The following KANSL1 variants were observed in gnomAD, a reference collection of about 807,000 sequenced individuals.
KANSL1 encodes the protein MLL1/MLL complex subunit KANSL1.
Under a neutral mutation model 103.6 loss-of-function variants are expected in KANSL1, and 22 were observed. That is an observed-to-expected ratio of 0.21 (90% confidence interval 0.15 to 0.30). KANSL1 has a LOEUF of 0.30. Among genes scored for constraint, KANSL1 ranks in the 10% least tolerant of loss-of-function variants. The probability of loss-of-function intolerance (pLI) is 1.00; values close to 1 mark genes in which losing one functional copy is unlikely to be tolerated. For missense variants in KANSL1, 1,337 were observed against 1,399.8 expected, an observed-to-expected ratio of 0.96 and a Z score of 0.72; for synonymous variants, 600 against 527.6, an observed-to-expected ratio of 1.14 and a Z score of -1.88.
chr17:46,115,611 A>C (rs1282781151), intron 2 of KANSL1, among the ~76,000 whole-genome samples: 2 of 152,246 alleles, frequency 1.3e-5, no homozygotes, highest in Non-Finnish European at 2.9e-5. Flanking sequence ...GTGATTTCAA[A>C]CTAAATTAAA....
intron 4 of KANSL1, 136 bp downstream of exon 4, chr17:46,082,305 C>T: frequency 3.5e-6 from 2 of 572,610 alleles, no homozygotes; most frequent in Non-Finnish European, 6.2e-6. Context: ...GATCTTAAAA[C>T]ACCAAAAGTG....
chr17:46,081,357 C>A (rs1432360903), intron 4 of KANSL1, among the ~76,000 whole-genome samples: 1 of 152,078 alleles, frequency 6.6e-6, no homozygotes. Flanking sequence ...CTGATTAGAC[C>A]ATTCACTAAA....
At chr17:46,112,501 A>G (rs1188877402) in intron 2 of KANSL1, among the ~76,000 whole-genome samples, 1 of 151,534 alleles carries the variant, frequency 6.6e-6, no homozygotes, top group Admixed American at 6.6e-5. Context: ...CGTGGCCAAC[A>G]TGGTGAAACC....
intron 2 of KANSL1, among the ~76,000 whole-genome samples, chr17:46,141,452 C>T (rs1265653694): frequency 6.6e-6 from 1 of 152,354 alleles, no homozygotes; most frequent in East Asian, 1.9e-4. Flanking sequence ...AGCATAGGGG[C>T]TGCTTAAGGG....
chr17:46,070,383 T>C (rs989460977), intron 4 of KANSL1, among the ~76,000 whole-genome samples: 1 of 151,766 alleles, frequency 6.6e-6, no homozygotes, highest in Non-Finnish European at 1.5e-5. Context: ...AGACAAAGAG[T>C]GTTACAGTTG....
intron 2 of KANSL1, among the ~76,000 whole-genome samples, chr17:46,161,415 G>A (rs1038555248): frequency 2.6e-5 from 4 of 151,420 alleles, no homozygotes; most frequent in Admixed American, 1.3e-4. Context: ...CAGCCTGGGC[G>A]ACAGAGCGAG....
intron 6 of KANSL1, 108 bp from the exon 7 acceptor site, chr17:46,050,812 G>A: frequency 2.3e-6 from 2 of 876,630 alleles, no homozygotes; most frequent in Non-Finnish European, 3.5e-6. Context: ...ATTTGTTATT[G>A]CGAAGACCTT....
chr17:46,104,139 A>T (rs754419782), intron 2 of KANSL1, among the ~76,000 whole-genome samples: 22 of 152,204 alleles, frequency 1.4e-4, no homozygotes, highest in Non-Finnish European at 1.5e-4. Flanking sequence ...TAAGATTGAG[A>T]TATGTTTTAA....
intron 2 of KANSL1, among the ~76,000 whole-genome samples, chr17:46,096,470 G>A (rs1266626801): frequency 6.6e-5 from 10 of 150,526 alleles, no homozygotes; most frequent in South Asian, 2.1e-4. Flanking sequence ...ACAGGCATGC[G>A]CCACCATGCC....
chr17:46,052,029 T>TG (rs1370342256), intron 6 of KANSL1, among the ~76,000 whole-genome samples: 1 of 147,016 alleles, frequency 6.8e-6, no homozygotes, highest in Non-Finnish European at 1.5e-5. Context: ...GGTATTGTTT[T>TG]GGGAAAAAAA....
rs1241829628 is a variant in KANSL1, at chr17:46,115,056, GTTTTATTTATTTATTTATTTT to G, written c.1290-20376_1290-20356del. Among the ~76,000 whole-genome samples, 26 of 152,076 alleles carry G rather than the reference GTTTTATTTATTTATTTATTTT, an allele frequency of 1.7e-4. No homozygotes were observed. The East Asian group carries it at 4.8e-3, about 28-fold the overall frequency. The stretch of plus-strand genomic sequence containing the variant: ...CAAACAGGTATTTTTGTAAACCCAA[GTTTTATTTATTTATTTATTTT>G]GAGATGGAGTTTCGCTCTTGTCATG... On this transcript the variant is annotated intron_variant, in intron 2 of 14. Transcript: ENST00000432791.
intron 6 of KANSL1, among the ~76,000 whole-genome samples, chr17:46,061,124 C>T (rs962286460): frequency 2.0e-5 from 3 of 152,286 alleles, no homozygotes; most frequent in African/African-American, 7.2e-5. Context: ...TTCAACCATT[C>T]ATTTCCAAAC....
intron 2 of KANSL1, among the ~76,000 whole-genome samples, chr17:46,127,765 C>T (rs1429908963): frequency 6.8e-6 from 1 of 147,430 alleles, no homozygotes; most frequent in Non-Finnish European, 1.5e-5. Flanking sequence ...GCAACAGAGC[C>T]AGACCCTGTC....
intron 2 of KANSL1, among the ~76,000 whole-genome samples, chr17:46,110,810 G>A (rs2042770551): frequency 6.6e-6 from 1 of 152,138 alleles, no homozygotes; most frequent in Non-Finnish European, 1.5e-5. Context: ...GGTGGGAGGT[G>A]GGGAAAGCAG....
Position 46,192,917 on chromosome 17 carries a change from G to A in KANSL1, c.-184C>T, listed in dbSNP as rs529742338. 6.6e-6 allele frequency: 1 copy of A among 151,432 alleles called. No individual in the cohort carries two copies. Among genetic ancestry groups the A allele is most frequent in the Admixed American group, 6.6e-5 (1 of 15,174 alleles). 9.4% of individuals were successfully genotyped at this position (151,432 alleles called of 1,614,324 possible). The stretch of plus-strand genomic sequence containing the variant: ...CCGGCCTGGGCGCCGAGGGCCAGCG[G>A]CGGGCGGGGGCGCGCGACGGCGGCT... On this transcript the variant is annotated 5_prime_UTR_variant, in exon 1 of 15. Transcript: ENST00000432791.
At chr17:46,108,257 T>C (rs1482166264) in intron 2 of KANSL1, among the ~76,000 whole-genome samples, 2 of 152,170 alleles carry the variant, frequency 1.3e-5, no homozygotes, top group Non-Finnish European at 2.9e-5. Flanking sequence ...TCTCCTGTTC[T>C]CCTCCTGGCT....
At chr17:46,172,347 A>C in intron 1 of KANSL1, 115 bp from the exon 2 acceptor site, 2 of 601,654 alleles carry the variant, frequency 3.3e-6, no homozygotes, top group Non-Finnish European at 5.7e-6. Flanking sequence ...GAAAGAAAAC[A>C]CTCTGGAGCT....
chr17:46,110,475 C>T (rs2042755685), intron 2 of KANSL1, among the ~76,000 whole-genome samples: 1 of 152,194 alleles, frequency 6.6e-6, no homozygotes, highest in South Asian at 2.1e-4. Context: ...GGCTAAGTAA[C>T]TTGTCTAAGG....
intron 2 of KANSL1, among the ~76,000 whole-genome samples, chr17:46,137,754 C>T (rs1483232693): frequency 6.6e-6 from 1 of 151,754 alleles, no homozygotes; most frequent in Non-Finnish European, 1.5e-5. Flanking sequence ...GTAGTCCCAG[C>T]TACTCAGGAG....
Sources: gnomAD v4.1 joint callset for allele counts (sites outside exome capture counted in the v4.1 genomes callset) on GRCh38, gnomAD v4.1.1 for gene constraint, MANE v1.5 for transcripts, NCBI Gene and HGNC (gene_info 2026-07-23, HGNC 2026-07-21) for gene names.